CDK15: variants seen among roughly 807,000 people sequenced by gnomAD.
CDK15 encodes the protein cyclin dependent kinase 15, also known as cyclin-dependent kinase 15.
A neutral mutation model predicts 60.3 loss-of-function variants in CDK15; 62 were observed. The observed-to-expected ratio is 1.03, with a 90% confidence interval of 0.84 to 1.27. The LOEUF (loss-of-function observed/expected upper bound fraction) is 1.27. CDK15 is among the 50% of genes most tolerant of loss of function. The probability of loss-of-function intolerance (pLI) is 0.00; values close to 1 mark genes in which losing one functional copy is unlikely to be tolerated. For synonymous variants in CDK15, 194 were observed against 195.7 expected (o/e 0.99, Z 0.07); for missense variants, 541 against 527.8 (o/e 1.03, Z -0.25).
At chr2:201,835,906 T>A in intron 8 of CDK15, 143 bp downstream of exon 8, 2 of 216,220 alleles carry the variant, frequency 9.2e-6, no homozygotes, top group Non-Finnish European at 1.5e-5. Context: ...TTTATATATA[T>A]TTATATAGTT....
At chr2:201,892,391 TC>T (rs1699666670) in intron 13 of CDK15, among the ~76,000 whole-genome samples, 1 of 152,210 alleles carries the variant, frequency 6.6e-6, no homozygotes, top group South Asian at 2.1e-4. Context: ...TATTATTATT[TC>T]TATTGTTGTT....
intron 10 of CDK15, among the ~76,000 whole-genome samples, chr2:201,862,941 G>A (rs894034744): frequency 1.4e-4 from 21 of 152,098 alleles, no homozygotes; most frequent in Non-Finnish European, 1.5e-5. Context: ...TGAGCCTGGC[G>A]ACATATTTCA....
chr2:201,813,585 A>G (rs1695866396), intron 4 of CDK15, among the ~76,000 whole-genome samples: 1 of 152,218 alleles, frequency 6.6e-6, no homozygotes, highest in African/African-American at 2.4e-5. Context: ...TCTTTGTTCT[A>G]TCATTTGCAG....
At position 201,812,551 on chromosome 2, in the gene CDK15, C is replaced by A; in HGVS notation, c.437C>A (p.Ala146Asp). ...MNAEEGVPFT[A>D]IREASLLKGL... ...GCAGAGGAAGGAGTCCCATTTACAGCTATCCGAGAAGGTAAGAACAGCAGA... is the reference window on the plus strand; with the variant it reads ...GCAGAGGAAGGAGTCCCATTTACAGATATCCGAGAAGGTAAGAACAGCAGA... The change falls in exon 4 of 14, where the codon GCT becomes GAT. Residue 146 changes from alanine to aspartate, a missense_variant. Coordinates refer to ENST00000652192, the MANE Select transcript of CDK15 (RefSeq NM_001366386.2). The A allele has an allele frequency of 6.2e-7, 1 of 1,611,996 alleles. No individual in the cohort carries two copies. The highest frequency in any genetic ancestry group is 1.3e-5 in the African/African-American group (1 of 74,964).
In CDK15 at chr2:201,806,711, G is replaced by A. The variant is rs1220995138; in HGVS notation, c.47G>A (p.Cys16Tyr). Residue 16 changes from cysteine (C) to tyrosine (Y), a missense_variant, in exon 1 of 14, where the codon TGC becomes TAC. Physicochemically the swap from Cys to Tyr is radical, Grantham distance 194. Coordinates refer to ENST00000652192, the MANE Select transcript of CDK15 (RefSeq NM_001366386.2). Reference sequence around the variant, plus strand: ...AAGACTGTACAGCCTGGATGCAGCTGCTACCATTGTTCAGAGGGAGGCGAG... The same window carrying A: ...AAGACTGTACAGCCTGGATGCAGCTACTACCATTGTTCAGAGGGAGGCGAG... The part of the protein sequence containing the change: ...CAKTVQPGCS[C>Y]YHCSEGGEAH... The A allele has an allele frequency of 1.1e-5, 18 of 1,598,106 alleles. No homozygotes were observed. The highest frequency in any genetic ancestry group is 1.5e-5 in the Non-Finnish European group (18 of 1,179,700).
intron 12 of CDK15, among the ~76,000 whole-genome samples, chr2:201,890,494 G>T (rs1699606861): frequency 6.6e-6 from 1 of 152,138 alleles, no homozygotes; most frequent in South Asian, 2.1e-4. Context: ...GTCCTTCTTT[G>T]TATGTGTATG....
intron 3 of CDK15, 22 bp from the exon 4 acceptor site, chr2:201,812,461 C>T (rs759899722): frequency 1.3e-6 from 2 of 1,568,442 alleles, no homozygotes; most frequent in Admixed American, 1.7e-5. Flanking sequence ...TAAGTGTGTG[C>T]CCCTCAATCC....
chr2:201,833,729 TTTTTG>T, intron 6 of CDK15, 114 bp from the exon 7 acceptor site: 16 of 765,672 alleles, frequency 2.1e-5, no homozygotes, highest in South Asian at 2.1e-4. Flanking sequence ...TTTTTTTTTT[TTTTTG>T]GTCTCTCAAG....
At chr2:201,809,430 T>A (rs1383267718) in intron 3 of CDK15, among the ~76,000 whole-genome samples, 4 of 152,256 alleles carry the variant, frequency 2.6e-5, no homozygotes, top group Non-Finnish European at 5.9e-5. Flanking sequence ...TTAGATTTTC[T>A]TTTCTCTGAT....
At chr2:201,877,824 C>T (rs550179180) in intron 11 of CDK15, among the ~76,000 whole-genome samples, 1 of 152,224 alleles carries the variant, frequency 6.6e-6, no homozygotes, top group African/African-American at 2.4e-5. Flanking sequence ...GCAATTATTC[C>T]TGAGTTTGAA....
intron 8 of CDK15, among the ~76,000 whole-genome samples, chr2:201,837,715 G>A (rs1023408214): frequency 1.4e-4 from 22 of 151,982 alleles, no homozygotes; most frequent in African/African-American, 3.6e-4. Context: ...CTTTACAGAC[G>A]TAGACAACTC....
chr2:201,888,718 C>G (rs1699545264), intron 12 of CDK15: 1 of 1,242,408 alleles, frequency 8.0e-7, no homozygotes, highest in Non-Finnish European at 1.0e-6. Flanking sequence ...GATAGTGTCT[C>G]TCTCTCTCTC....
In CDK15 at chr2:201,882,303, T is replaced by G. The variant is rs187883214; in HGVS notation, c.1198+2136T>G. Among the ~76,000 whole-genome samples, 110 of 152,062 alleles carry G rather than the reference T, an allele frequency of 7.2e-4. 1 individual carries two copies. Among genetic ancestry groups the G allele is most frequent in the Middle Eastern group, 3.4e-3 (1 of 294 alleles). Reference sequence around the variant, plus strand: ...ATCTACTTTGACACTTTTAGAAAAATGAAAAGATGGAATCTTGTAGGAGGC... The same window carrying G: ...ATCTACTTTGACACTTTTAGAAAAAGGAAAAGATGGAATCTTGTAGGAGGC... On this transcript the variant is annotated intron_variant, in intron 12 of 13. Coordinates refer to ENST00000652192, the MANE Select transcript of CDK15 (RefSeq NM_001366386.2). The surrounding 1 kb of genome is among the most constrained non-coding windows in gnomAD (Gnocchi z 4.0).
At chr2:201,872,215 T>C in intron 10 of CDK15, 63 bp from the exon 11 acceptor site, 1 of 1,492,200 alleles carries the variant, frequency 6.7e-7, no homozygotes, top group Non-Finnish European at 9.4e-7. Context: ...ATTTTAACAG[T>C]ATATTTGGCA....
intron 13 of CDK15, 39 bp downstream of exon 13, chr2:201,890,966 T>G: frequency 2.7e-6 from 3 of 1,118,998 alleles, no homozygotes; most frequent in Non-Finnish European, 2.7e-6. Flanking sequence ...ATGGAACAAA[T>G]TGAAAAGCAA....
chr2:201,889,194 C>T, intron 12 of CDK15: 1 of 985,374 alleles, frequency 1.0e-6, no homozygotes, highest in African/African-American at 1.7e-5. Context: ...TTATTTAAGG[C>T]ATTTTATGCT....
chr2:201,808,570 TCC>T (rs1035973640), intron 3 of CDK15: 1 of 144,812 alleles, frequency 6.9e-6, no homozygotes, highest in African/African-American at 2.5e-5. Context: ...ATCCATGAAT[TCC>T]CCTTTTAGTC....
intron 10 of CDK15, among the ~76,000 whole-genome samples, chr2:201,863,867 G>A (rs1421655481): frequency 6.6e-6 from 1 of 152,164 alleles, no homozygotes; most frequent in Non-Finnish European, 1.5e-5. Context: ...CTGCACTCTA[G>A]CCTGGGCAAC....
At chr2:201,889,536 C>G (rs989771655) in intron 12 of CDK15, 1 of 580,644 alleles carries the variant, frequency 1.7e-6, no homozygotes, top group Non-Finnish European at 2.2e-6. Context: ...TTCAGATAAG[C>G]CCCTTGCAAT....
Sources: allele counts gnomAD v4.1 joint callset (sites outside exome capture counted in the v4.1 genomes callset), GRCh38; gene constraint gnomAD v4.1.1; non-coding constraint Gnocchi (gnomAD v3.1); transcripts MANE v1.5; gene names NCBI Gene and HGNC (gene_info 2026-07-23, HGNC 2026-07-21).